Variants in ADGRL3 observed in about 807,000 individuals in gnomAD.
The protein encoded by ADGRL3 is calcium-independent alpha-latrotoxin receptor 3.
A neutral mutation model predicts 153.5 loss-of-function variants in ADGRL3; 62 were observed. The ratio of observed to expected loss-of-function variants is 0.40; its 90% CI spans 0.33 to 0.50. The LOEUF is 0.50. Ranked by LOEUF, ADGRL3 falls within the 20% of genes least tolerant of loss-of-function variation. ADGRL3 has a pLI of 0.47. For missense variants in ADGRL3, 1,641 were observed against 1,859.4 expected, an observed-to-expected ratio of 0.88 and a Z score of 2.16; for synonymous variants, 710 against 672.5, an observed-to-expected ratio of 1.06 and a Z score of -0.86.
chr4:62,045,517 C>G (rs1016729559), intron 25 of ADGRL3, among the ~76,000 whole-genome samples: 1 of 151,752 alleles, frequency 6.6e-6, no homozygotes, highest in African/African-American at 2.4e-5. Context: ...TTTTATGCTA[C>G]TTAGGAAGAA....
In ADGRL3 at chr4:61,959,596, A is replaced by G. The variant is rs186431011; in HGVS notation, c.2805+11320A>G. On this transcript the variant is annotated intron_variant, in intron 17 of 26. Transcript: ENST00000683033. ...GTTTGGAACATTTTAATTCCATACC[A>G]TGGATTCTGTGTGTTGAATATTTTA... is the stretch of plus-strand genomic sequence containing the variant. Among the ~76,000 whole-genome samples the G allele has an allele frequency of 5.5e-3, 831 of 152,302 alleles. 3 individuals carry two copies. The highest frequency in any genetic ancestry group is 9.8e-3 in the Non-Finnish European group (668 of 68,020).
intron 5 of ADGRL3, among the ~76,000 whole-genome samples, chr4:61,600,892 T>A (rs562018499): frequency 2.0e-5 from 3 of 152,238 alleles, no homozygotes; most frequent in Non-Finnish European, 4.4e-5. Context: ...TGATATTTAA[T>A]TATTTTCTTA....
chr4:61,799,701 C>T (rs2097466038), intron 8 of ADGRL3, among the ~76,000 whole-genome samples: 1 of 152,066 alleles, frequency 6.6e-6, no homozygotes, highest in Non-Finnish European at 1.5e-5. Flanking sequence ...TTCTTATTCA[C>T]CAAGCTGAAG....
intron 9 of ADGRL3, among the ~76,000 whole-genome samples, chr4:61,820,533 C>T (rs1435219708): frequency 3.3e-5 from 5 of 152,248 alleles, no homozygotes; most frequent in South Asian, 2.1e-4. Context: ...TCTTGCCATA[C>T]GTCTCATTAA....
intron 17 of ADGRL3, among the ~76,000 whole-genome samples, chr4:61,963,783 A>G (rs999848317): frequency 6.6e-6 from 1 of 152,280 alleles, no homozygotes. Flanking sequence ...CACTTAAACT[A>G]TTTAGGTTCT....
chr4:61,475,022 A>C (rs1423766720), intron 2 of ADGRL3, among the ~76,000 whole-genome samples: 1 of 152,140 alleles, frequency 6.6e-6, no homozygotes, highest in Non-Finnish European at 1.5e-5. Context: ...CATAACAATC[A>C]ATTAAACCAT....
At chr4:61,367,955 T>A (rs938983281) in intron 1 of ADGRL3, among the ~76,000 whole-genome samples, 3 of 151,098 alleles carry the variant, frequency 2.0e-5, no homozygotes, top group African/African-American at 7.4e-5. Context: ...TGGTATCTCA[T>A]TGTGGTTTCG....
At position 62,075,202 on chromosome 4, in the gene ADGRL3, A is replaced by T. The variant is rs574769974; in HGVS notation, c.*4294A>T. ...CTTGGATTTTTTTGTTGTGGTTTTA[A>T]AGAGATGGGGTCTTGCTCTGTCACA... is the stretch of plus-strand genomic sequence containing the variant. On this transcript the variant is annotated 3_prime_UTR_variant, in exon 27 of 27. Transcript: ENST00000683033. The T allele has an allele frequency of 6.6e-6, 1 of 152,170 alleles. No individual in the cohort carries two copies. The highest frequency in any genetic ancestry group is 1.9e-4 in the East Asian group (1 of 5,162). 9.4% of individuals were successfully genotyped at this position (152,170 alleles called of 1,614,324 possible).
intron 3 of ADGRL3, among the ~76,000 whole-genome samples, chr4:61,506,033 A>G (rs1333031296): frequency 3.3e-5 from 5 of 152,054 alleles, no homozygotes; most frequent in Non-Finnish European, 7.4e-5. Context: ...CTGCTTTAGA[A>G]TCCTATATTG....
intron 8 of ADGRL3, 120 bp from the exon 9 acceptor site, chr4:61,813,689 C>T: frequency 8.7e-7 from 1 of 1,149,466 alleles, no homozygotes; most frequent in Non-Finnish European, 1.2e-6. Context: ...GATATGTCTA[C>T]TCTTTAATTT....
At chr4:61,639,430 T>C (rs975166247) in intron 5 of ADGRL3, among the ~76,000 whole-genome samples, 4 of 152,134 alleles carry the variant, frequency 2.6e-5, no homozygotes, top group African/African-American at 9.7e-5. Context: ...CAAAATAGGA[T>C]TGAACATTAT....
chr4:61,328,513 TA>T (rs2095508124), intron 1 of ADGRL3, among the ~76,000 whole-genome samples: 1 of 152,140 alleles, frequency 6.6e-6, no homozygotes, highest in Non-Finnish European at 1.5e-5. Context: ...GGGATGTTTT[TA>T]TAGCATATAA....
chr4:61,323,636 C>G (rs1191786924), intron 1 of ADGRL3, among the ~76,000 whole-genome samples: 1 of 152,118 alleles, frequency 6.6e-6, no homozygotes, highest in African/African-American at 2.4e-5. Flanking sequence ...CACTTTTGCT[C>G]CAGTTCCCAA....
intron 4 of ADGRL3, among the ~76,000 whole-genome samples, chr4:61,520,923 C>T (rs335316): frequency 0.76 from 114,568 of 151,314 alleles, 43,715 homozygotes; most frequent in East Asian, 0.94. Flanking sequence ...TGCACCACTC[C>T]TCCCCTCCAG....
intron 9 of ADGRL3, among the ~76,000 whole-genome samples, chr4:61,817,235 A>T (rs2148666915): frequency 6.6e-6 from 1 of 151,554 alleles, no homozygotes; most frequent in African/African-American, 2.4e-5. Flanking sequence ...CCCGGGCTGA[A>T]AGGGCCGGGT....
intron 2 of ADGRL3, among the ~76,000 whole-genome samples, chr4:61,432,656 T>TTTCA (rs2097385533): frequency 2.2e-5 from 1 of 46,448 alleles, no homozygotes. Context: ...CTTTCTTTCT[T>TTTCA]TTTTTTTTTT....
At chr4:61,262,446 G>T (rs981473974) in intron 1 of ADGRL3, among the ~76,000 whole-genome samples, 29 of 152,040 alleles carry the variant, frequency 1.9e-4, no homozygotes, top group African/African-American at 6.7e-4. Context: ...CCATTGTGTT[G>T]TTTCTAGATT....
intron 13 of ADGRL3, among the ~76,000 whole-genome samples, chr4:61,916,932 GAC>G (rs1581448350): frequency 6.6e-6 from 1 of 151,754 alleles, no homozygotes; most frequent in African/African-American, 2.4e-5. Context: ...CAGCCTGGGC[GAC>G]AGAGTGAGAC....
intron 9 of ADGRL3, among the ~76,000 whole-genome samples, chr4:61,856,179 G>A (rs2149215781): frequency 6.6e-6 from 1 of 152,126 alleles, no homozygotes; most frequent in East Asian, 1.9e-4. Context: ...ATCAGCCTGG[G>A]CAACATAGCC....
Sources: allele counts gnomAD v4.1 joint callset (sites outside exome capture counted in the v4.1 genomes callset), GRCh38; gene constraint gnomAD v4.1.1; transcripts MANE v1.5; gene names NCBI Gene and HGNC (gene_info 2026-07-23, HGNC 2026-07-21).